The following SPATA31F1 variants were observed in gnomAD, a reference collection of about 807,000 sequenced individuals.
SPATA31F1 encodes the protein protein SPATA31F1.
At chr9:34,728,232 C>A in the SPATA31F1 span, 1 of 665,936 alleles carries the variant, frequency 1.5e-6, no homozygotes, top group Non-Finnish European at 2.6e-6. Flanking sequence ...TACAGCATCG[C>A]TGTAACACAA....
chr9:34,727,137 A>G, the SPATA31F1 span: 1 of 1,406,710 alleles, frequency 7.1e-7, no homozygotes, highest in Non-Finnish European at 9.3e-7. Flanking sequence ...TTCCTTGCTA[A>G]GAAAATGCCA....
At chr9:34,723,700 A>G in the SPATA31F1 span, 16 of 1,551,624 alleles carry the variant, frequency 1.0e-5, no homozygotes, top group Non-Finnish European at 1.4e-5. Context: ...GGCCCTGCAA[A>G]GGCTTAGCCT....
chr9:34,724,789 G>A, the SPATA31F1 span: 732,799 of 1,528,948 alleles, frequency 0.48, 178,933 homozygotes, highest in East Asian at 0.62. Flanking sequence ...GGATTTCCAC[G>A]GGACTAGGCT....
the SPATA31F1 span, chr9:34,723,223 G>T: frequency 2.6e-6 from 4 of 1,550,120 alleles, no homozygotes; most frequent in Non-Finnish European, 3.5e-6. Context: ...CTGAGGTGAG[G>T]GTCAGGAGCT....
the SPATA31F1 span, chr9:34,728,006 A>G: frequency 6.4e-7 from 1 of 1,551,042 alleles, no homozygotes; most frequent in African/African-American, 1.4e-5. Context: ...ATAGAGTGCA[A>G]AGAGCAATAG....
At chr9:34,724,226 G>A in the SPATA31F1 span, 57 of 1,551,394 alleles carry the variant, frequency 3.7e-5, no homozygotes, top group Admixed American at 1.1e-3. Context: ...AGGCATGTGG[G>A]CCTCTGTCAT....
chr9:34,728,154 A>C, the SPATA31F1 span: 1 of 1,386,450 alleles, frequency 7.2e-7, no homozygotes, highest in Non-Finnish European at 9.9e-7. Context: ...GCTGAATAGT[A>C]AGGCCTTTGA....
the SPATA31F1 span, among the ~76,000 whole-genome samples, chr9:34,728,878 A>G: frequency 6.6e-6 from 1 of 152,174 alleles, no homozygotes; most frequent in Admixed American, 6.5e-5. Context: ...TATACCTCCC[A>G]TCTGATTCAC....
chr9:34,728,590 G>C, the SPATA31F1 span: 121 of 1,549,544 alleles, frequency 7.8e-5, no homozygotes, highest in Non-Finnish European at 9.8e-5. Context: ...GGGAGTCAGA[G>C]GAGAGATTGG....
the SPATA31F1 span, chr9:34,725,011 G>A: frequency 6.4e-7 from 1 of 1,552,008 alleles, no homozygotes; most frequent in Non-Finnish European, 8.7e-7. Flanking sequence ...GCTGATCAAG[G>A]GCCGTTGGCA....
chr9:34,728,012 A>G, the SPATA31F1 span: 1 of 1,551,822 alleles, frequency 6.4e-7, no homozygotes, highest in Non-Finnish European at 8.7e-7. Context: ...TGCAAAGAGC[A>G]ATAGATCACC....
chr9:34,724,119 C>G, the SPATA31F1 span: 2 of 1,534,936 alleles, frequency 1.3e-6, no homozygotes, highest in Non-Finnish European at 1.8e-6. Flanking sequence ...AGCATGGGGA[C>G]ATGGGCTGGG....
the SPATA31F1 span, chr9:34,726,988 G>T: frequency 6.5e-6 from 10 of 1,544,220 alleles, no homozygotes; most frequent in Admixed American, 2.0e-5. Context: ...GCCAGCCCTG[G>T]CTAGGAAGGG....
At chr9:34,725,453 A>T in the SPATA31F1 span, 6 of 1,243,498 alleles carry the variant, frequency 4.8e-6, 1 homozygote, top group Non-Finnish European at 6.7e-6. Context: ...CTGTTTCTGG[A>T]TGTGGAATTC....
chr9:34,726,643 A>G, the SPATA31F1 span: 2 of 1,550,702 alleles, frequency 1.3e-6, no homozygotes, highest in Non-Finnish European at 1.7e-6. Context: ...GGAGGTGATC[A>G]GCCCAGTAAT....
chr9:34,728,257 T>C, the SPATA31F1 span, among the ~76,000 whole-genome samples: 1 of 152,196 alleles, frequency 6.6e-6, no homozygotes, highest in Non-Finnish European at 1.5e-5. Context: ...CCATATCTAA[T>C]TTCATTTGAT....
the SPATA31F1 span, chr9:34,725,041 A>G: frequency 2.6e-6 from 4 of 1,552,050 alleles, no homozygotes; most frequent in Non-Finnish European, 3.5e-6. Context: ...TAACTTTGTG[A>G]TGCAGGTCCG....
At chr9:34,728,199 C>A in the SPATA31F1 span, 1 of 880,688 alleles carries the variant, frequency 1.1e-6, no homozygotes, top group South Asian at 1.8e-5. Flanking sequence ...CCTGAAAAGT[C>A]CGTACTCTAA....
At chr9:34,724,089 G>C in the SPATA31F1 span, 1 of 1,527,200 alleles carries the variant, frequency 6.5e-7, no homozygotes, top group Non-Finnish European at 8.8e-7. Flanking sequence ...GTTTCCTCTG[G>C]GTCCTCTCTG....
Sources: gnomAD v4.1 joint callset for allele counts (sites outside exome capture counted in the v4.1 genomes callset) on GRCh38, gnomAD v4.1.1 for gene constraint, MANE v1.5 for transcripts, NCBI Gene and HGNC (gene_info 2026-07-23, HGNC 2026-07-21) for gene names.